Variants in ABCA8 observed in about 807,000 individuals in gnomAD.
The protein encoded by ABCA8 is ABC-type organic anion transporter ABCA8.
ABCA8 carries 177 observed loss-of-function variants against 192.3 expected under a neutral mutation model. The ratio of observed to expected loss-of-function variants is 0.92; its 90% confidence interval spans 0.81 to 1.04. ABCA8 has a LOEUF of 1.04. ABCA8 is among the 50% of genes least tolerant of loss of function. The pLI is 0.00. For missense variants in ABCA8, 1,915 were observed against 1,904.8 expected (o/e 1.01, Z -0.10); for synonymous variants, 642 against 690.2 (o/e 0.93, Z 1.09).
Position 68,927,956 on chromosome 17 carries a change from G to A in ABCA8, c.1233C>T (p.Leu411=). The change falls in exon 10 of 40, where the codon CTC becomes CTT. Residue 411 remains leucine (L), a synonymous_variant. Coordinates refer to ENST00000586539, the MANE Select transcript of ABCA8 (RefSeq NM_001288985.2). ...TNFMLAFDTC[L]YLALAIYFEK... The stretch of plus-strand genomic sequence containing the variant: ...CAAAGTAAATCGCCAATGCCAGATA[G>A]AGGCAAGTGTCAAATGCCAACATGA... 6.2e-7 allele frequency: 1 copy of A among 1,607,216 alleles called. No homozygotes were observed. The highest frequency in any genetic ancestry group is 8.5e-7 in the Non-Finnish European group (1 of 1,177,624).
At chr17:68,905,489 G>T (rs140191211) in intron 19 of ABCA8, among the ~76,000 whole-genome samples, 1 of 152,030 alleles carries the variant, frequency 6.6e-6, no homozygotes. Flanking sequence ...GAATGAAAAA[G>T]TGCAGTATCA....
At chr17:68,886,584 C>T (rs1334216402) in intron 26 of ABCA8, among the ~76,000 whole-genome samples, 1 of 152,120 alleles carries the variant, frequency 6.6e-6, no homozygotes, top group Non-Finnish European at 1.5e-5. Flanking sequence ...TAACTCGTGA[C>T]TATTTTAACA....
intron 32 of ABCA8, 78 bp from the exon 33 acceptor site, chr17:68,877,757 C>G (rs180729926): frequency 1.4e-6 from 2 of 1,424,926 alleles, no homozygotes; most frequent in Non-Finnish European, 1.9e-6. Context: ...ATTCTCTTCA[C>G]GAACCTAGAA....
Position 68,887,539 on chromosome 17 carries a change from T to C in ABCA8, c.3145-33A>G, listed in dbSNP as rs202133324. 60 of 1,558,114 alleles carry C rather than the reference T, an allele frequency of 3.9e-5. No homozygotes were observed. In the East Asian group the frequency reaches 1.2e-3, roughly 30 times the overall value. On this transcript the variant is annotated intron_variant, in intron 24 of 39. Transcript: ENST00000586539. ...GGAGACAGCAAAGATACAAAGTTTGTGGCTTAAGAATATGTGGATTATGCA... is the reference window on the plus strand; with the variant it reads ...GGAGACAGCAAAGATACAAAGTTTGCGGCTTAAGAATATGTGGATTATGCA...
At position 68,928,078 on chromosome 17, in the gene ABCA8, G is replaced by T. The variant is rs190546489; in HGVS notation, c.1126-15C>A. 8,946 of 1,560,484 alleles carry T rather than the reference G, an allele frequency of 5.7e-3. 25 individuals are homozygous for T. Among genetic ancestry groups the T allele is most frequent in the Non-Finnish European group, 7.1e-3 (8,181 of 1,150,468 alleles). On this transcript the variant is annotated splice_polypyrimidine_tract_variant and intron_variant, in intron 9 of 39. Coordinates refer to ENST00000586539, the MANE Select transcript of ABCA8 (RefSeq NM_001288985.2). ...AAGTGTAAAAGCTGAAAATTAAAAA[G>T]TAATTAATTAAGGGAAATTAGGTAT...
At chr17:68,901,926 A>G (rs1413799640) in intron 21 of ABCA8, among the ~76,000 whole-genome samples, 1 of 152,190 alleles carries the variant, frequency 6.6e-6, no homozygotes, top group Non-Finnish European at 1.5e-5. Flanking sequence ...ACGTGACCCA[A>G]CAATTCTACT....
intron 30 of ABCA8, among the ~76,000 whole-genome samples, chr17:68,882,382 T>A (rs371749382): frequency 2.6e-5 from 4 of 152,230 alleles, no homozygotes; most frequent in Admixed American, 1.3e-4. Context: ...GATTCTGAAA[T>A]TCTTTCTTGG....
Position 68,918,135 on chromosome 17 carries a change from G to A in ABCA8, c.1959C>T (p.His653=). ...PTAGLDPFSR[H]QVWNLLKERK... ...GTTCTTTCAGAAGGTTCCATACTTG[G>A]TGTCTTGAAAAGGGATCCAATCCAG... The change falls in exon 16 of 40, where the codon CAC becomes CAT. Residue 653 remains histidine, a synonymous_variant. Transcript: ENST00000586539. The A allele has an allele frequency of 6.2e-7, 1 of 1,614,124 alleles. No homozygotes were observed. Among genetic ancestry groups the A allele is most frequent in the Non-Finnish European group, 8.5e-7 (1 of 1,180,028 alleles).
chr17:68,895,147 A>C (rs1283008664), intron 21 of ABCA8, 134 bp from the exon 22 acceptor site: 2 of 560,504 alleles, frequency 3.6e-6, no homozygotes, highest in Non-Finnish European at 5.6e-6. Flanking sequence ...CATAACATAC[A>C]TAACATCTAT....
At chr17:68,951,083 C>G (rs1284566779) in intron 1 of ABCA8, among the ~76,000 whole-genome samples, 1 of 152,140 alleles carries the variant, frequency 6.6e-6, no homozygotes, top group Non-Finnish European at 1.5e-5. Context: ...AGTCCCCTCC[C>G]AGAGATACCA....
chr17:68,917,992 A>C, intron 16 of ABCA8, 55 bp downstream of exon 16: 1 of 1,594,998 alleles, frequency 6.3e-7, no homozygotes, highest in Non-Finnish European at 8.5e-7. Flanking sequence ...ACCAATCCAT[A>C]TTTTTAGATC....
chr17:68,878,603 C>T (rs1164730427), intron 32 of ABCA8: 1 of 152,252 alleles, frequency 6.6e-6, no homozygotes, highest in Admixed American at 6.5e-5. Context: ...TGGCTTTCTA[C>T]TTCAGGTCAG....
intron 21 of ABCA8, among the ~76,000 whole-genome samples, chr17:68,897,505 C>G (rs894704742): frequency 1.3e-5 from 2 of 152,136 alleles, no homozygotes; most frequent in African/African-American, 4.8e-5. Context: ...ACAAGAACTG[C>G]CTTTGGAAGG....
chr17:68,883,956 A>C, intron 28 of ABCA8, 74 bp from the exon 29 acceptor site: 1 of 931,134 alleles, frequency 1.1e-6, no homozygotes, highest in Non-Finnish European at 1.6e-6. Flanking sequence ...TACTAATAAT[A>C]ACCGAACTTC....
chr17:68,869,757 T>C lies in ABCA8; in HGVS notation c.4654A>G (p.Lys1552Glu). 1 of 1,613,016 alleles carries C rather than the reference T, an allele frequency of 6.2e-7. No homozygotes were observed. Among genetic ancestry groups the C allele is most frequent in the African/African-American group, 1.3e-5 (1 of 74,992 alleles). ...GGTTGCACATCTTCCACTGGCAACT[T>C]ATAAACCATCAGAGAGGAGTACCTG... is the stretch of plus-strand genomic sequence containing the variant. Reference protein sequence around the residue: ...QERYSSLMVYKLPVEDVQPLA... With the variant: ...QERYSSLMVYELPVEDVQPLA... The change falls in exon 38 of 40, where the codon AAG (lysine) becomes GAG (glutamate). Residue 1552 changes from lysine to glutamate, a missense_variant. By Grantham distance (56) the Lys-to-Glu change is moderately conservative (BLOSUM62 1). Transcript: ENST00000586539.
rs2066131026 is a variant in ABCA8 at position 68,873,795 on chromosome 17, T to C, written c.4631+1465A>G. Among the ~76,000 whole-genome samples, 3 of 152,360 alleles carry C rather than the reference T, an allele frequency of 2.0e-5. No homozygotes were observed. In the Middle Eastern group the frequency reaches 0.01, roughly 518 times the overall value. On this transcript the variant is annotated intron_variant, in intron 37 of 39. Coordinates refer to ENST00000586539, the MANE Select transcript of ABCA8 (RefSeq NM_001288985.2). ...TATCCTGTTTTCCCAACACAATTGG[T>C]TGAAGAGACTATCCCTTCCCCATCA...
intron 21 of ABCA8, among the ~76,000 whole-genome samples, chr17:68,898,585 C>G (rs1232157494): frequency 6.6e-6 from 1 of 152,090 alleles, no homozygotes; most frequent in Non-Finnish European, 1.5e-5. Flanking sequence ...ATTTTTCCCT[C>G]TCTTGTATTA....
chr17:68,952,147 C>G (rs894123058), intron 1 of ABCA8, among the ~76,000 whole-genome samples: 7 of 152,186 alleles, frequency 4.6e-5, no homozygotes, highest in African/African-American at 7.2e-5. Context: ...TCTCTGTTCT[C>G]TTTTTACAAA....
chr17:68,897,788 T>C (rs777474540), intron 21 of ABCA8, among the ~76,000 whole-genome samples: 2 of 152,082 alleles, frequency 1.3e-5, no homozygotes, highest in Non-Finnish European at 2.9e-5. Flanking sequence ...CCTGAAGATA[T>C]ATTAAATGGG....
Sources: allele counts gnomAD v4.1 joint callset (sites outside exome capture counted in the v4.1 genomes callset), GRCh38; gene constraint gnomAD v4.1.1; transcripts MANE v1.5; gene names NCBI Gene and HGNC (gene_info 2026-07-23, HGNC 2026-07-21).